HBS1L: variants seen among roughly 807,000 people sequenced by gnomAD.
HBS1L encodes the protein HBS1 like translational GTPase.
In HBS1L, 55 loss-of-function variants were observed where a neutral mutation model predicts 88.9. The ratio of observed to expected loss-of-function variants is 0.62; its 90% CI spans 0.50 to 0.77. The LOEUF (loss-of-function observed/expected upper bound fraction) is 0.77, where lower values mean the gene tolerates loss of function less well. HBS1L is among the 30% of genes least tolerant of loss of function. HBS1L has a pLI of 0.00. For missense variants in HBS1L, 741 were observed against 829.3 expected (o/e 0.89, Z 1.31); for synonymous variants, 267 against 288.5 (o/e 0.93, Z 0.76).
At chr6:135,043,842 T>C (rs1776828684) in intron 2 of HBS1L, among the ~76,000 whole-genome samples, 1 of 152,228 alleles carries the variant, frequency 6.6e-6, no homozygotes, top group Admixed American at 6.5e-5. Flanking sequence ...AATTAGCTCA[T>C]GTCAATGGGC....
At chr6:134,981,252 C>T (rs1449550092) in intron 13 of HBS1L, among the ~76,000 whole-genome samples, 2 of 151,926 alleles carry the variant, frequency 1.3e-5, no homozygotes, top group Non-Finnish European at 2.9e-5. Context: ...AGTATTATAG[C>T]TCTTGTCACT....
At position 134,962,702 on chromosome 6, in the gene HBS1L, G is replaced by A. The variant is rs1320888520; in HGVS notation, c.*2577C>T. ...TCAAAGTCAGAGGACAAAGCCATTA[G>A]TGTGAAGAAACAGTAAAATCATAAA... On this transcript the variant is annotated 3_prime_UTR_variant, in exon 18 of 18. Coordinates refer to ENST00000367837, the MANE Select transcript of HBS1L (RefSeq NM_006620.4). 6.6e-6 allele frequency: 1 copy of A among 152,256 alleles called. No homozygotes were observed. The highest frequency in any genetic ancestry group is 2.4e-5 in the African/African-American group (1 of 41,464). 9.4% of individuals were successfully genotyped at this position (152,256 alleles called of 1,614,324 possible).
In HBS1L at chr6:135,037,942, C is replaced by G. The variant is rs142488935; in HGVS notation, c.430+1631G>C. On this transcript the variant is annotated intron_variant, in intron 4 of 17. Coordinates refer to ENST00000367837, the MANE Select transcript of HBS1L (RefSeq NM_006620.4). Reference sequence around the variant, plus strand: ...TGAGCTAGCAAAATCAAAGGGTTTGCTACTATAATCCAAATGATTTGCTGA... The same window carrying G: ...TGAGCTAGCAAAATCAAAGGGTTTGGTACTATAATCCAAATGATTTGCTGA... The G allele has an allele frequency of 2.6e-5, 41 of 1,547,382 alleles. No individual in the cohort carries two copies. The African/African-American group carries it at 4.7e-4, about 18-fold the overall frequency.
intron 9 of HBS1L, among the ~76,000 whole-genome samples, chr6:134,987,029 A>G (rs1774997567): frequency 6.6e-6 from 1 of 152,128 alleles, no homozygotes; most frequent in African/African-American, 2.4e-5. Context: ...CAAGTCTTAA[A>G]ACGTACATTC....
chr6:134,994,905 T>G (rs925166714), intron 7 of HBS1L, among the ~76,000 whole-genome samples: 1 of 152,046 alleles, frequency 6.6e-6, no homozygotes, highest in African/African-American at 2.4e-5. Context: ...TCACCCAAAG[T>G]AAGGAATAAT....
intron 4 of HBS1L, among the ~76,000 whole-genome samples, chr6:135,031,951 C>T (rs1025378633): frequency 1.3e-5 from 2 of 151,400 alleles, no homozygotes; most frequent in Non-Finnish European, 2.9e-5. Flanking sequence ...ACTACAGGTA[C>T]ATGCCACCAT....
intron 2 of HBS1L, among the ~76,000 whole-genome samples, chr6:135,043,954 C>T (rs992963919): frequency 1.3e-5 from 2 of 152,180 alleles, no homozygotes; most frequent in East Asian, 1.9e-4. Flanking sequence ...ATATAAAGTC[C>T]GATAACACCA....
intron 7 of HBS1L, among the ~76,000 whole-genome samples, chr6:134,996,464 T>C (rs962286357): frequency 2.0e-5 from 3 of 152,214 alleles, no homozygotes; most frequent in African/African-American, 4.8e-5. Flanking sequence ...ATTTGACAAA[T>C]ACTTAGGGAA....
At chr6:135,046,625 G>T (rs1257558065) in intron 2 of HBS1L, among the ~76,000 whole-genome samples, 20 of 152,156 alleles carry the variant, frequency 1.3e-4, no homozygotes, top group Admixed American at 1.3e-3. Flanking sequence ...TTGGAAGGCC[G>T]ACACAGGAGG....
chr6:134,991,732 GT>G (rs551332634), intron 8 of HBS1L, among the ~76,000 whole-genome samples: 1,528 of 152,114 alleles, frequency 0.01, 20 homozygotes, highest in Non-Finnish European at 0.015. Flanking sequence ...ATATTATAAT[GT>G]ATTCATACAA....
chr6:135,050,345 T>C (rs1363052147), intron 2 of HBS1L, among the ~76,000 whole-genome samples: 1 of 152,244 alleles, frequency 6.6e-6, no homozygotes, highest in Non-Finnish European at 1.5e-5. Flanking sequence ...ATGCAAAGTA[T>C]GGTGGAAAAG....
chr6:134,984,459 G>GAGGATACAGAGAATACAGAGGGACGCGTC (rs1774921801), intron 12 of HBS1L, among the ~76,000 whole-genome samples: 1 of 152,144 alleles, frequency 6.6e-6, no homozygotes, highest in Non-Finnish European at 1.5e-5. Context: ...CACAATGACA[G>GAGGATACAGAGAATACAGAGGGACGCGTC]AGGATACAGA....
chr6:135,024,237 CA>C (rs1006991823), intron 4 of HBS1L, among the ~76,000 whole-genome samples: 4 of 151,726 alleles, frequency 2.6e-5, no homozygotes, highest in African/African-American at 9.7e-5. Flanking sequence ...TCAGGAGATC[CA>C]GACCATCCTG....
At chr6:135,054,624 G>A (rs2297338) in intron 1 of HBS1L, 25 bp downstream of exon 1, 799,911 of 1,611,810 alleles carry the variant, frequency 0.5, 200,563 homozygotes, top group South Asian at 0.56. Flanking sequence ...GGAAAAGAAC[G>A]TCCCGGCATG....
At chr6:135,054,555 T>A (rs1177945323) in intron 1 of HBS1L, 94 bp downstream of exon 1, 1 of 1,440,838 alleles carries the variant, frequency 6.9e-7, no homozygotes, top group Non-Finnish European at 9.7e-7. Context: ...AGGGCAACAC[T>A]GACGAGAAAC....
chr6:134,993,982 T>C (rs1775219447), intron 7 of HBS1L, 107 bp from the exon 8 acceptor site: 1 of 460,242 alleles, frequency 2.2e-6, no homozygotes, highest in Non-Finnish European at 3.8e-6. Flanking sequence ...AAATGGAAAT[T>C]GTTTTTATAG....
Position 134,986,188 on chromosome 6 carries a change from T to G in HBS1L, c.1306-5A>C. On this transcript the variant is annotated splice_region_variant and splice_polypyrimidine_tract_variant and intron_variant, in intron 10 of 17. Transcript: ENST00000367837. ...AATAAAACCTACATCACTCTCCTAT[T>G]AAAAAGATTGACTTATGAAACTTAA... is the stretch of plus-strand genomic sequence containing the variant. 1 of 1,365,416 alleles carries G rather than the reference T, an allele frequency of 7.3e-7. No individual in the cohort carries two copies. Among genetic ancestry groups the G allele is most frequent in the Admixed American group, 1.8e-5 (1 of 56,704 alleles). 84.6% of individuals were successfully genotyped at this position (1,365,416 alleles called of 1,614,324 possible).
At chr6:134,995,243 T>A (rs1775257531) in intron 7 of HBS1L, among the ~76,000 whole-genome samples, 2 of 152,172 alleles carry the variant, frequency 1.3e-5, no homozygotes, top group South Asian at 4.1e-4. Context: ...TACTAATTTC[T>A]GTTCTTCAGT....
At chr6:134,990,360 A>G (rs1775097537) in intron 8 of HBS1L, among the ~76,000 whole-genome samples, 1 of 152,100 alleles carries the variant, frequency 6.6e-6, no homozygotes, top group Non-Finnish European at 1.5e-5. Context: ...TAGTCTTTCC[A>G]CTTCACATCT....
Sources: gnomAD v4.1 joint callset for allele counts (sites outside exome capture counted in the v4.1 genomes callset) on GRCh38, gnomAD v4.1.1 for gene constraint, MANE v1.5 for transcripts, NCBI Gene and HGNC (gene_info 2026-07-23, HGNC 2026-07-21) for gene names.